The following NRXN2 variants were observed in gnomAD, a reference collection of about 807,000 sequenced individuals.
The protein encoded by NRXN2 is neurexin 2.
Under a neutral mutation model 128.8 loss-of-function variants are expected in NRXN2, and 29 were observed. That is an observed-to-expected ratio of 0.23 (90% confidence interval 0.17 to 0.31). The LOEUF is 0.31. Among genes scored for constraint, NRXN2 ranks in the 10% least tolerant of loss-of-function variants. NRXN2 has a pLI of 1.00. For missense variants in NRXN2, 1,881 were observed against 2,452.6 expected, an observed-to-expected ratio of 0.77 and a Z score of 4.92; for synonymous variants, 1,098 against 1,075.2, an observed-to-expected ratio of 1.02 and a Z score of -0.41.
chr11:64,616,973 T>A (rs1336194595), intron 22 of NRXN2, among the ~76,000 whole-genome samples: 1 of 152,176 alleles, frequency 6.6e-6, no homozygotes, highest in Non-Finnish European at 1.5e-5. Flanking sequence ...TAGCTCTGAG[T>A]GCATGCATGT....
chr11:64,614,054 G>A (rs1429662815), intron 22 of NRXN2, among the ~76,000 whole-genome samples: 1 of 152,088 alleles, frequency 6.6e-6, no homozygotes, highest in Non-Finnish European at 1.5e-5. Flanking sequence ...GAACTGGCTG[G>A]TTTGCAAGCA....
intron 22 of NRXN2, among the ~76,000 whole-genome samples, chr11:64,619,162 C>A (rs890844480): frequency 1.3e-5 from 2 of 152,170 alleles, no homozygotes; most frequent in Non-Finnish European, 2.9e-5. Flanking sequence ...CCGGCCCCAA[C>A]CTCCAGCCTT....
rs1300452787 is a variant in NRXN2 at position 64,667,871 on chromosome 11, A to C, written c.1360-183T>G. Among the ~76,000 whole-genome samples the C allele has an allele frequency of 2.0e-5, 3 of 151,994 alleles. No individual in the cohort carries two copies. In the East Asian group the frequency reaches 5.8e-4, roughly 29 times the overall value. ...TCAGACACAGAGGCTGTGAACAAGC[A>C]CCTCCCTTGCCCGTCCTCTGTCCTG... On this transcript the variant is annotated intron_variant, in intron 8 of 22. Coordinates refer to ENST00000265459, the MANE Select transcript of NRXN2 (RefSeq NM_015080.4). This position sits in a 1 kb window ranked among gnomAD's most constrained non-coding sequence, Gnocchi z 5.6.
chr11:64,616,371 G>C (rs1348543649), intron 22 of NRXN2, among the ~76,000 whole-genome samples: 3 of 152,182 alleles, frequency 2.0e-5, no homozygotes, highest in Admixed American at 2.0e-4. Context: ...TGTGCACTGT[G>C]GTGGGTCTAA....
intron 17 of NRXN2, among the ~76,000 whole-genome samples, chr11:64,639,360 C>G (rs2045308354): frequency 6.6e-6 from 1 of 151,712 alleles, no homozygotes; most frequent in Admixed American, 6.6e-5. Context: ...AGTTAACACA[C>G]CCTGTTCAGA....
Position 64,607,707 on chromosome 11 carries a change from G to T in NRXN2, c.4628C>A (p.Ala1543Asp), listed in dbSNP as rs1007520554. 3 of 1,550,128 alleles carry T rather than the reference G, an allele frequency of 1.9e-6. No homozygotes were observed. Among genetic ancestry groups the T allele is most frequent in the Non-Finnish European group, 2.6e-6 (3 of 1,145,586 alleles). ...APRPNLRTDG[A>D]TGAPGVLFAP... The stretch of plus-strand genomic sequence containing the variant: ...AAACAGCACCCCAGGGGCGCCCGTG[G>T]CCCCATCTGTCCTGAGGTTGGGCCG... The change falls in exon 23 of 23, where the codon GCC (alanine) becomes GAC (aspartate). Residue 1543 changes from alanine (A) to aspartate (D), a missense_variant. Coordinates refer to ENST00000265459, the MANE Select transcript of NRXN2 (RefSeq NM_015080.4).
intron 2 of NRXN2, among the ~76,000 whole-genome samples, chr11:64,704,560 A>G (rs1278978233): frequency 1.3e-5 from 2 of 150,810 alleles, no homozygotes; most frequent in African/African-American, 4.9e-5. Flanking sequence ...ACACAATTCT[A>G]ACAGCAATTC....
chr11:64,721,258 A>G (rs1405419607), intron 1 of NRXN2, among the ~76,000 whole-genome samples: 4 of 151,406 alleles, frequency 2.6e-5, no homozygotes, highest in Non-Finnish European at 5.9e-5. Flanking sequence ...CTGGGTAGTG[A>G]CTGAGCCTGG....
chr11:64,678,270 A>C, intron 6 of NRXN2, among the ~76,000 whole-genome samples: 1 of 151,110 alleles, frequency 6.6e-6, no homozygotes, highest in Non-Finnish European at 1.5e-5. Flanking sequence ...CCCATAGCTG[A>C]CTCCTCCCAC....
intron 2 of NRXN2, among the ~76,000 whole-genome samples, chr11:64,704,806 A>G (rs981459697): frequency 3.3e-5 from 5 of 152,228 alleles, no homozygotes; most frequent in East Asian, 1.9e-4. Context: ...GAACCACTGC[A>G]TGACAGTTTG....
rs1464945646 is a variant in NRXN2 at position 64,622,689 on chromosome 11, TGCAGATATCAA to T, written c.4173+53_4173+63del. 16 of 1,560,264 alleles carry T rather than the reference TGCAGATATCAA, an allele frequency of 1.0e-5. No homozygotes were observed. The East Asian group carries it at 3.4e-4, about 33-fold the overall frequency. ...ACTCTAGGCACCACTACTGTGGCTA[TGCAGATATCAA>T]CCCCATCCCCACCTATCCCTGCCCT... On this transcript the variant is annotated intron_variant, in intron 21 of 22. Transcript: ENST00000265459. This position sits in a 1 kb window ranked among gnomAD's most constrained non-coding sequence, Gnocchi z 4.3.
rs372438021 is a variant in NRXN2 at position 64,622,950 on chromosome 11, C to T, written c.3976G>A (p.Glu1326Lys). Residue 1326 changes from glutamate to lysine, a missense_variant, in exon 21 of 23, where the codon GAG becomes AAG. Physicochemically the swap from Glu to Lys is moderately conservative, Grantham distance 56. Coordinates refer to ENST00000265459, the MANE Select transcript of NRXN2 (RefSeq NM_015080.4). The surrounding 1 kb of genome is among the most constrained non-coding windows in gnomAD (Gnocchi z 4.3). ...TCAGTCCGCACATTGGGGTCGCTCT[C>T]GGCGGCCAGCGCCAGCACCTTGAGC... is the stretch of plus-strand genomic sequence containing the variant. ...NGLKVLALAA[E>K]SDPNVRTEGH... is the part of the protein sequence containing the mutation. The T allele has an allele frequency of 1.7e-4, 280 of 1,613,008 alleles. No homozygotes were observed. Among genetic ancestry groups the T allele is most frequent in the Non-Finnish European group, 2.2e-4 (257 of 1,179,728 alleles).
chr11:64,650,967 A>T (rs143443488), intron 14 of NRXN2, among the ~76,000 whole-genome samples: 1 of 152,266 alleles, frequency 6.6e-6, no homozygotes, highest in Non-Finnish European at 1.5e-5. Flanking sequence ...CCCTAAGGCA[A>T]CGGAGGGGCA....
intron 15 of NRXN2, among the ~76,000 whole-genome samples, chr11:64,649,673 G>A (rs1029393964): frequency 3.3e-5 from 5 of 152,196 alleles, no homozygotes; most frequent in Non-Finnish European, 5.9e-5. Context: ...GAGTGGGGCA[G>A]TTAATTCCAT....
chr11:64,618,385 C>T (rs911156131), intron 22 of NRXN2, among the ~76,000 whole-genome samples: 5 of 152,192 alleles, frequency 3.3e-5, no homozygotes, highest in Non-Finnish European at 7.4e-5. Context: ...AATTCCTGTC[C>T]CAGAGTGTGT....
chr11:64,637,563 C>G (rs1289037152), intron 17 of NRXN2: 2 of 152,472 alleles, frequency 1.3e-5, no homozygotes, highest in Admixed American at 1.3e-4. Context: ...AGATGCACAT[C>G]TGAATTTGGG....
intron 22 of NRXN2, among the ~76,000 whole-genome samples, chr11:64,614,088 C>G (rs897754300): frequency 4.6e-5 from 7 of 151,990 alleles, no homozygotes; most frequent in Non-Finnish European, 1.0e-4. Context: ...TACAGAGAGC[C>G]CAGAAATCTG....
In NRXN2 at chr11:64,713,000, T is replaced by C; in HGVS notation, c.700A>G (p.Thr234Ala). 1 of 1,492,864 alleles carries C rather than the reference T, an allele frequency of 6.7e-7. No homozygotes were observed. The highest frequency in any genetic ancestry group is 8.9e-7 in the Non-Finnish European group (1 of 1,126,108). 92.5% of individuals were successfully genotyped at this position (1,492,864 alleles called of 1,614,324 possible). Residue 234 changes from threonine to alanine, a missense_variant, in exon 2 of 23, where the codon ACG (threonine) becomes GCG (alanine). By Grantham distance (58) the Thr-to-Ala change is moderately conservative. This residue lies in a region of NRXN2 where 997 missense variants were observed against 1,240.8 expected (regional missense o/e 0.80). Coordinates refer to ENST00000265459, the MANE Select transcript of NRXN2 (RefSeq NM_015080.4). ...CTGCAGAACTTGCCGCCGAAGCCCG[T>C]GTGGCTGCAGTCGCAGCCCACCTCG... is the stretch of plus-strand genomic sequence containing the variant. ...PGEVGCDCSH[T>A]GFGGKFCSEE... is the part of the protein sequence containing the mutation.
At chr11:64,672,913 G>C (rs2050817453) in intron 7 of NRXN2, among the ~76,000 whole-genome samples, 2 of 152,194 alleles carry the variant, frequency 1.3e-5, no homozygotes, top group African/African-American at 4.8e-5. Flanking sequence ...TGGGAATAGA[G>C]AGGAAAGAGG....
Sources: allele counts gnomAD v4.1 joint callset (sites outside exome capture counted in the v4.1 genomes callset), GRCh38; gene constraint gnomAD v4.1.1; regional missense constraint gnomAD v4.1.1; non-coding constraint Gnocchi (gnomAD v3.1); transcripts MANE v1.5; gene names NCBI Gene and HGNC (gene_info 2026-07-23, HGNC 2026-07-21).